Variants in GRIA1 observed in about 807,000 individuals in gnomAD.
The protein encoded by GRIA1 is glutamate ionotropic receptor AMPA type subunit 1.
In GRIA1, 31 loss-of-function variants were observed where a neutral mutation model predicts 99.2. The ratio of observed to expected loss-of-function variants is 0.31; its 90% CI spans 0.23 to 0.42. The LOEUF is 0.42. Ranked by LOEUF, GRIA1 falls within the 10% of genes least tolerant of loss-of-function variation. The pLI is 1.00. For missense variants in GRIA1, 782 were observed against 1,157.5 expected (o/e 0.68, Z 4.71); for synonymous variants, 438 against 432.4 (o/e 1.01, Z -0.16).
intron 14 of GRIA1, among the ~76,000 whole-genome samples, chr5:153,797,587 T>C (rs1765727522): frequency 6.6e-6 from 1 of 152,200 alleles, no homozygotes. Context: ...CTCAGACTGA[T>C]GCTTCTGTTC....
intron 7 of GRIA1, among the ~76,000 whole-genome samples, chr5:153,685,203 A>G (rs528625261): frequency 1.3e-5 from 2 of 152,322 alleles, no homozygotes; most frequent in East Asian, 1.9e-4. Flanking sequence ...CTGAGGACAC[A>G]TGGTGGATCA....
chr5:153,696,604 GA>G (rs1052806912), intron 8 of GRIA1, among the ~76,000 whole-genome samples: 16 of 152,342 alleles, frequency 1.1e-4, no homozygotes, highest in African/African-American at 3.6e-4. Context: ...AAGGAACTGG[GA>G]AAGACATGAA....
chr5:153,504,953 A>G (rs941541393), intron 2 of GRIA1, among the ~76,000 whole-genome samples: 1 of 152,170 alleles, frequency 6.6e-6, no homozygotes, highest in African/African-American at 2.4e-5. Context: ...TGATGAGCCC[A>G]CACCACCAGA....
At chr5:153,724,570 A>G (rs1760356481) in intron 11 of GRIA1, among the ~76,000 whole-genome samples, 1 of 152,272 alleles carries the variant, frequency 6.6e-6, no homozygotes, top group Admixed American at 6.5e-5. Context: ...ATGGAGCTGA[A>G]AGCCAAGGCT....
intron 2 of GRIA1, among the ~76,000 whole-genome samples, chr5:153,562,060 G>T (rs958698236): frequency 1.3e-5 from 2 of 152,140 alleles, no homozygotes; most frequent in Non-Finnish European, 2.9e-5. Context: ...AGATGCATTG[G>T]GGGGTAAGAC....
intron 5 of GRIA1, among the ~76,000 whole-genome samples, chr5:153,656,640 A>T (rs182130916): frequency 6.6e-6 from 1 of 152,014 alleles, no homozygotes; most frequent in African/African-American, 2.4e-5. Flanking sequence ...TAGCTTTTCT[A>T]TCCAAAGCCA....
intron 7 of GRIA1, 69 bp from the exon 8 acceptor site, chr5:153,686,156 C>A: frequency 8.9e-7 from 1 of 1,124,488 alleles, no homozygotes; most frequent in Non-Finnish European, 1.4e-6. Flanking sequence ...ATTTCTACTT[C>A]AGTGGAAAAA....
chr5:153,662,763 T>G (rs948237582), intron 5 of GRIA1, among the ~76,000 whole-genome samples: 1 of 152,178 alleles, frequency 6.6e-6, no homozygotes, highest in African/African-American at 2.4e-5. Context: ...TGGCTTCTTT[T>G]CTCCAAACTG....
chr5:153,533,251 A>G (rs763815515), intron 2 of GRIA1, among the ~76,000 whole-genome samples: 1 of 152,186 alleles, frequency 6.6e-6, no homozygotes, highest in Non-Finnish European at 1.5e-5. Flanking sequence ...GAGCCCATGC[A>G]TTCTTCCAAA....
chr5:153,663,145 C>A (rs373093478), intron 5 of GRIA1, among the ~76,000 whole-genome samples: 6 of 152,196 alleles, frequency 3.9e-5, no homozygotes, highest in African/African-American at 1.4e-4. Flanking sequence ...TCACCCCCAT[C>A]CTCTGAGAGA....
At chr5:153,603,304 T>G (rs889401319) in intron 2 of GRIA1, among the ~76,000 whole-genome samples, 1 of 152,212 alleles carries the variant, frequency 6.6e-6, no homozygotes, top group Non-Finnish European at 1.5e-5. Context: ...TGCCACATTT[T>G]CTTAATCCAG....
intron 11 of GRIA1, among the ~76,000 whole-genome samples, chr5:153,731,445 G>T (rs1009156433): frequency 6.6e-6 from 1 of 151,930 alleles, no homozygotes; most frequent in African/African-American, 2.4e-5. Flanking sequence ...AGCTCCACCT[G>T]CTAGGACAGC....
chr5:153,566,108 T>G (rs1241054648), intron 2 of GRIA1, among the ~76,000 whole-genome samples: 1 of 152,042 alleles, frequency 6.6e-6, no homozygotes, highest in Non-Finnish European at 1.5e-5. Context: ...TATGAGGGTT[T>G]CAATTTCTCC....
intron 11 of GRIA1, among the ~76,000 whole-genome samples, chr5:153,723,495 A>C (rs1010999941): frequency 2.6e-5 from 4 of 152,312 alleles, no homozygotes; most frequent in Admixed American, 2.6e-4. Flanking sequence ...CTAGTCAAAG[A>C]AAGGGGTGAC....
intron 13 of GRIA1, among the ~76,000 whole-genome samples, chr5:153,778,015 G>A (rs1397107735): frequency 1.3e-5 from 2 of 152,198 alleles, no homozygotes; most frequent in Admixed American, 1.3e-4. Context: ...AGCCCTCTGA[G>A]TGGAGAGGCT....
chr5:153,623,393 G>A (rs1767255135), intron 2 of GRIA1, among the ~76,000 whole-genome samples: 1 of 152,166 alleles, frequency 6.6e-6, no homozygotes, highest in African/African-American at 2.4e-5. Flanking sequence ...ATGACTTCAA[G>A]GAACCTTAGA....
chr5:153,659,826 C>A (rs1755225966), intron 5 of GRIA1, among the ~76,000 whole-genome samples: 1 of 152,182 alleles, frequency 6.6e-6, no homozygotes, highest in African/African-American at 2.4e-5. Flanking sequence ...ACACAGGTTT[C>A]AGCAGACTCC....
At chr5:153,526,651 A>G (rs1378278266) in intron 2 of GRIA1, among the ~76,000 whole-genome samples, 3 of 152,242 alleles carry the variant, frequency 2.0e-5, no homozygotes, top group South Asian at 4.1e-4. Context: ...TGTAAACTGG[A>G]TGCATTTGGT....
At chr5:153,626,903 G>C (rs1047702215) in intron 2 of GRIA1, among the ~76,000 whole-genome samples, 7 of 152,158 alleles carry the variant, frequency 4.6e-5, no homozygotes, top group African/African-American at 1.4e-4. Flanking sequence ...TTGAGCCCCA[G>C]CTTAGGTGAT....
Sources: gnomAD v4.1 joint callset for allele counts (sites outside exome capture counted in the v4.1 genomes callset) on GRCh38, gnomAD v4.1.1 for gene constraint, MANE v1.5 for transcripts, NCBI Gene and HGNC (gene_info 2026-07-23, HGNC 2026-07-21) for gene names.